Variants in CCDC39 observed in about 807,000 individuals in gnomAD.
CCDC39 encodes the protein coiled-coil domain-containing protein 39.
Under a neutral mutation model 121.0 loss-of-function variants are expected in CCDC39, and 113 were observed. That is an observed-to-expected ratio of 0.93 (90% CI 0.80 to 1.09). The LOEUF (loss-of-function observed/expected upper bound fraction) is 1.09. Among genes scored for constraint, CCDC39 ranks in the 50% least tolerant of loss-of-function variants. CCDC39 has a pLI of 0.00. For synonymous variants in CCDC39, 349 were observed against 352.2 expected, an observed-to-expected ratio of 0.99 and a Z score of 0.10; for missense variants, 1,063 against 1,074.7, an observed-to-expected ratio of 0.99 and a Z score of 0.15.
intron 16 of CCDC39, chr3:180,617,735 T>C: frequency 5.3e-6 from 2 of 375,820 alleles, no homozygotes. Context: ...TAAAAAAATT[T>C]TACAAAATTA....
At chr3:180,671,735 T>C (rs1243554897) in intron 1 of CCDC39, among the ~76,000 whole-genome samples, 3 of 152,138 alleles carry the variant, frequency 2.0e-5, no homozygotes, top group Non-Finnish European at 4.4e-5. Context: ...AGCCAAAGCC[T>C]AATCCAGAGA....
intron 14 of CCDC39, among the ~76,000 whole-genome samples, chr3:180,623,908 C>T (rs1457134926): frequency 6.6e-6 from 1 of 151,684 alleles, no homozygotes; most frequent in Non-Finnish European, 1.5e-5. Context: ...ATTATGCAGT[C>T]GTTGGGTAGA....
At chr3:180,615,962 G>C (rs1260096447) in intron 19 of CCDC39, among the ~76,000 whole-genome samples, 1 of 152,100 alleles carries the variant, frequency 6.6e-6, no homozygotes, top group Non-Finnish European at 1.5e-5. Context: ...CCCCCAACTT[G>C]GGGGTTCACC....
intron 1 of CCDC39, among the ~76,000 whole-genome samples, chr3:180,671,798 G>A (rs527473479): frequency 6.6e-6 from 1 of 152,302 alleles, no homozygotes; most frequent in African/African-American, 2.4e-5. Context: ...TGAAGAAGCT[G>A]CAGAAGAAAA....
At chr3:180,627,538 A>G (rs937901961) in intron 14 of CCDC39, among the ~76,000 whole-genome samples, 1 of 152,230 alleles carries the variant, frequency 6.6e-6, no homozygotes. Context: ...GAGATGATAT[A>G]TCTCTCAAAA....
rs190655280 is a variant in CCDC39 at position 180,616,879 on chromosome 3, G to A, written c.2353C>T (p.Leu785=). The part of the protein sequence containing the change: ...LSEKQAYSFQ[L]SKETEEQKPK... ...TTCTGCTCCTCCGTTTCTTTACTTA[G>A]TTGAAATGAATAAGCCTGCTTCTCT... is the stretch of plus-strand genomic sequence containing the variant. The change falls in exon 17 of 20, where the codon CTA becomes TTA. Residue 785 remains leucine, a synonymous_variant. Coordinates refer to ENST00000476379, the MANE Select transcript of CCDC39 (RefSeq NM_181426.2). 1.3e-6 allele frequency: 2 copies of A among 1,598,422 alleles called. No individual in the cohort carries two copies. The highest frequency in any genetic ancestry group is 1.7e-5 in the Admixed American group (1 of 59,650).
Position 180,620,067 on chromosome 3 carries a change from A to G in CCDC39, c.1999-97T>C, listed in dbSNP as rs113196242. 1,244 of 920,722 alleles carry G rather than the reference A, an allele frequency of 1.4e-3. 9 individuals are homozygous for G. In the African/African-American group the frequency reaches 0.019, roughly 14 times the overall value. 57.0% of individuals were successfully genotyped at this position (920,722 alleles called of 1,614,324 possible). ...TGGAGCAGAAAATAGTTGACTTGTG[A>G]CAATAACAGTTTATCTCATGGCCTA... is the stretch of plus-strand genomic sequence containing the variant. On this transcript the variant is annotated intron_variant, in intron 14 of 19. Coordinates refer to ENST00000476379, the MANE Select transcript of CCDC39 (RefSeq NM_181426.2).
At chr3:180,631,079 TTAC>T (rs1717681168) in intron 14 of CCDC39, among the ~76,000 whole-genome samples, 1 of 152,160 alleles carries the variant, frequency 6.6e-6, no homozygotes, top group East Asian at 1.9e-4. Flanking sequence ...CTTAAAAAGA[TTAC>T]GAATCTTGCC....
rs1451238907 is a variant in CCDC39 at position 180,679,095 on chromosome 3, T to C, written c.90+196A>G. Among the ~76,000 whole-genome samples, 1 of 152,156 alleles carries C rather than the reference T, an allele frequency of 6.6e-6. No individual in the cohort carries two copies. Among genetic ancestry groups the C allele is most frequent in the Non-Finnish European group, 1.5e-5 (1 of 68,030 alleles). The stretch of plus-strand genomic sequence containing the variant: ...CCCTAAATGTCAATTATGGTTTTAA[T>C]AGCATTTTTAAATGCTTAACAATTA... On this transcript the variant is annotated intron_variant, in intron 1 of 19. Coordinates refer to ENST00000476379, the MANE Select transcript of CCDC39 (RefSeq NM_181426.2). The surrounding 1 kb of genome is among the most constrained non-coding windows in gnomAD (Gnocchi z 4.0).
At chr3:180,672,441 A>G (rs1712075822) in intron 1 of CCDC39, among the ~76,000 whole-genome samples, 1 of 152,142 alleles carries the variant, frequency 6.6e-6, no homozygotes, top group Non-Finnish European at 1.5e-5. Context: ...TAAAAATACA[A>G]AAATTAACCA....
chr3:180,646,931 A>T, intron 11 of CCDC39, 148 bp downstream of exon 11: 1 of 656,544 alleles, frequency 1.5e-6, no homozygotes, highest in Non-Finnish European at 2.5e-6. Context: ...ACACACTAAT[A>T]GTACAAAAAT....
At position 180,616,585 on chromosome 3, in the gene CCDC39, A is replaced by T; in HGVS notation, c.2517T>A (p.Asp839Glu). Residue 839 changes from aspartate (D) to glutamate (E), a missense_variant, in exon 18 of 20, where the codon GAT becomes GAA. Asp to Glu is a conservative substitution (Grantham distance 45, BLOSUM62 2). Transcript: ENST00000476379. ...REMKQFHKVI[D>E]EMLVDIIEEN... ...CTTCTATGATATCAACTAACATTTC[A>T]TCAATAACTTTGTGAAACTGTTTCA... 1 of 1,602,256 alleles carries T rather than the reference A, an allele frequency of 6.2e-7. No homozygotes were observed. Among genetic ancestry groups the T allele is most frequent in the East Asian group, 2.2e-5 (1 of 44,702 alleles).
In CCDC39 at chr3:180,652,190, T is replaced by G; in HGVS notation, c.1007A>C (p.Lys336Thr). The change falls in exon 8 of 20, where the codon AAG becomes ACG. Residue 336 changes from lysine (K) to threonine (T), a missense_variant. Physicochemically the swap from Lys to Thr is moderately conservative, Grantham distance 78. Coordinates refer to ENST00000476379, the MANE Select transcript of CCDC39 (RefSeq NM_181426.2). ...EALRKNISKI[K>T]KDIHEETARL... ...TGCTGTTTCTTCATGAATGTCCTTCTTTATCTTGGAAATATTTTTCCTCAG... is the reference window on the plus strand; with the variant it reads ...TGCTGTTTCTTCATGAATGTCCTTCGTTATCTTGGAAATATTTTTCCTCAG... 6.5e-7 allele frequency: 1 copy of G among 1,531,068 alleles called. No individual in the cohort carries two copies. The highest frequency in any genetic ancestry group is 8.8e-7 in the Non-Finnish European group (1 of 1,138,236). 94.8% of individuals were successfully genotyped at this position (1,531,068 alleles called of 1,614,324 possible). A position where few individuals can be genotyped will look rare whatever the true frequency, so the allele number is the denominator to read the frequency against.
In CCDC39 at chr3:180,619,787, A is replaced by T. The variant is rs556121787; in HGVS notation, c.2158+24T>A. The T allele has an allele frequency of 2.3e-5, 32 of 1,398,502 alleles. 2 individuals carry two copies. In the South Asian group the frequency reaches 3.2e-4, roughly 14 times the overall value. 86.6% of individuals were successfully genotyped at this position (1,398,502 alleles called of 1,614,324 possible). On this transcript the variant is annotated intron_variant, in intron 15 of 19. Coordinates refer to ENST00000476379, the MANE Select transcript of CCDC39 (RefSeq NM_181426.2). ...TACACTCGTCACTGTATATATGTAT[A>T]AAAAAAAGTTAACTCCTACATACTA...
intron 17 of CCDC39, 52 bp downstream of exon 17, chr3:180,616,774 G>C (rs938954643): frequency 6.3e-7 from 1 of 1,582,774 alleles, no homozygotes; most frequent in African/African-American, 1.4e-5. Flanking sequence ...AGGAGGATTT[G>C]GGACTTCAAA....
chr3:180,651,253 AAGAGGTCCAAAACC>A (rs1718201064), intron 9 of CCDC39, 134 bp downstream of exon 9: 2 of 601,720 alleles, frequency 3.3e-6, no homozygotes, highest in Non-Finnish European at 5.6e-6. Context: ...AATGCATGAG[AAGAGGTCCAAAACC>A]AGATTATAAA....
chr3:180,655,154 A>T (rs1711551570), intron 6 of CCDC39, among the ~76,000 whole-genome samples: 1 of 152,122 alleles, frequency 6.6e-6, no homozygotes, highest in African/African-American at 2.4e-5. Flanking sequence ...CATATTGTTA[A>T]ATGTCTCTGT....
In CCDC39 at chr3:180,654,947, C is replaced by G. The variant is rs770793058; in HGVS notation, c.745G>C (p.Ala249Pro). 1.3e-6 allele frequency: 2 copies of G among 1,541,362 alleles called. No individual in the cohort carries two copies. The highest frequency in any genetic ancestry group is 2.8e-5 in the African/African-American group (2 of 70,932). The change falls in exon 7 of 20, where the codon GCA (alanine) becomes CCA (proline). Residue 249 changes from alanine to proline, a missense_variant. Ala to Pro is a conservative substitution (Grantham distance 27). Transcript: ENST00000476379. ...TCTCTCGTTTCCTGCTTTATCCTTGCTAATTCCTAGGATTAAAACAAATAT... is the reference window on the plus strand; with the variant it reads ...TCTCTCGTTTCCTGCTTTATCCTTGGTAATTCCTAGGATTAAAACAAATAT... ...GDIDNCALEL[A>P]RIKQETREKE...
In CCDC39 at chr3:180,619,952, C is replaced by A. The variant is rs762287443; in HGVS notation, c.2017G>T (p.Glu673Ter). 6.8e-6 allele frequency: 11 copies of A among 1,605,850 alleles called. No homozygotes were observed. The East Asian group carries it at 1.3e-4, about 20-fold the overall frequency. ...AAACAGTCACCTTCCCTTTGAAGTT[C>A]TTCTTTTTCTTGAGCAGCCTATGAA... is the stretch of plus-strand genomic sequence containing the variant. ...YVIKAAQEKE[E>*]LQREGDCLDA... The change falls in exon 15 of 20, where the codon GAA becomes TAA. Residue 673 changes from glutamate (E) to a stop codon, truncating the protein, a stop_gained. Coordinates refer to ENST00000476379, the MANE Select transcript of CCDC39 (RefSeq NM_181426.2). LOFTEE classifies it high-confidence loss of function.
Sources: allele counts gnomAD v4.1 joint callset (sites outside exome capture counted in the v4.1 genomes callset), GRCh38; gene constraint gnomAD v4.1.1; non-coding constraint Gnocchi (gnomAD v3.1); transcripts MANE v1.5; gene names NCBI Gene and HGNC (gene_info 2026-07-23, HGNC 2026-07-21).